The following OR1J2 variants were observed in gnomAD, a reference collection of about 807,000 sequenced individuals.
The protein encoded by OR1J2 is olfactory receptor 1J2.
For synonymous variants in OR1J2, 142 were observed against 99.7 expected, an observed-to-expected ratio of 1.42 and a Z score of -2.52; for missense variants, 304 against 246.1, an observed-to-expected ratio of 1.24 and a Z score of -1.57.
At chr9:122,576,218 T>C in the OR1J2 span, among the ~76,000 whole-genome samples, 1 of 151,122 alleles carries the variant, frequency 6.6e-6, no homozygotes, top group Non-Finnish European at 1.5e-5. Flanking sequence ...CATTTTCTTT[T>C]TTACATTTTT....
chr9:122,530,211 A>G, the OR1J2 span, among the ~76,000 whole-genome samples: 1 of 152,230 alleles, frequency 6.6e-6, no homozygotes, highest in African/African-American at 2.4e-5. Context: ...AGTTACGTTC[A>G]TCAGCTGGAA....
chr9:122,556,783 C>G, the OR1J2 span, among the ~76,000 whole-genome samples: 1 of 152,152 alleles, frequency 6.6e-6, no homozygotes, highest in Non-Finnish European at 1.5e-5. Flanking sequence ...TTGATATCCA[C>G]AAAGTAACTT....
the OR1J2 span, among the ~76,000 whole-genome samples, chr9:122,572,165 T>G: frequency 1.3e-5 from 2 of 152,186 alleles, no homozygotes; most frequent in African/African-American, 4.8e-5. Context: ...GTGACAGTGC[T>G]AAACCATTCA....
At chr9:122,565,703 T>C in the OR1J2 span, among the ~76,000 whole-genome samples, 1 of 152,266 alleles carries the variant, frequency 6.6e-6, no homozygotes, top group Non-Finnish European at 1.5e-5. Context: ...AGGTAGTTTT[T>C]AACTTACCTT....
chr9:122,472,858 A>T, the OR1J2 span, among the ~76,000 whole-genome samples: 2 of 152,198 alleles, frequency 1.3e-5, no homozygotes, highest in Admixed American at 6.5e-5. Context: ...TGATTCTTGG[A>T]TATATGTATC....
At chr9:122,515,321 T>A (rs1276718932), downstream of OR1J2, among the ~76,000 whole-genome samples, 3 of 149,232 alleles carry the variant, frequency 2.0e-5, no homozygotes, top group Non-Finnish European at 4.4e-5. Flanking sequence ...AAAGTTCAGA[T>A]CAGGACTGGG....
the OR1J2 span, among the ~76,000 whole-genome samples, chr9:122,551,880 G>C: frequency 0.028 from 4,278 of 152,120 alleles, 96 homozygotes; most frequent in Middle Eastern, 0.082. Context: ...ATAAACTCTG[G>C]ACTCAATAGA....
the OR1J2 span, among the ~76,000 whole-genome samples, chr9:122,549,267 T>C: frequency 6.6e-6 from 1 of 152,162 alleles, no homozygotes; most frequent in South Asian, 2.1e-4. Flanking sequence ...TATGATATGC[T>C]GGCTCCCCTT....
the OR1J2 span, among the ~76,000 whole-genome samples, chr9:122,528,484 G>A: frequency 6.6e-6 from 1 of 152,268 alleles, no homozygotes; most frequent in Admixed American, 6.5e-5. Context: ...TGTAATCCCA[G>A]CTACTTGGTA....
At chr9:122,519,752 G>A in the OR1J2 span, 1 of 1,614,138 alleles carries the variant, frequency 6.2e-7, no homozygotes, top group Non-Finnish European at 8.5e-7. Flanking sequence ...CAGTGGGACA[G>A]GCAGTCATTA....
chr9:122,511,394 T>C lies in OR1J2; in HGVS notation c.593T>C (p.Val198Ala). The change falls in exon 1 of 1, where the codon GTC becomes GCC. Residue 198 changes from valine (V) to alanine (A), a missense_variant. Coordinates refer to ENST00000335302, the MANE Select transcript of OR1J2 (RefSeq NM_054107.1). The stretch of plus-strand genomic sequence containing the variant: ...TCAGATATCTTCCTCAATGAGCTGG[T>C]CATGTTCACAGTAGGGGTGGTGGTC... The part of the protein sequence containing the change: ...SCSDIFLNEL[V>A]MFTVGVVVIT... 1.3e-6 allele frequency: 1 copy of C among 755,880 alleles called. No individual in the cohort carries two copies. Among genetic ancestry groups the C allele is most frequent in the South Asian group, 1.5e-5 (1 of 68,640 alleles). The allele number at this position is 755,880 out of a possible 1,614,324, so 46.8% of individuals were successfully genotyped here.
the OR1J2 span, among the ~76,000 whole-genome samples, chr9:122,544,893 C>T: frequency 7.2e-5 from 11 of 152,042 alleles, 1 homozygote; most frequent in Admixed American, 5.2e-4. Context: ...TTAGGGTTTA[C>T]TTTGCTTTTT....
chr9:122,523,545 G>A, the OR1J2 span, among the ~76,000 whole-genome samples: 2 of 152,262 alleles, frequency 1.3e-5, no homozygotes, highest in African/African-American at 4.8e-5. Flanking sequence ...GTACATTCAG[G>A]TAACAGATAA....
rs1828638304 is a variant in OR1J2 at position 122,511,578 on chromosome 9, C to G, written c.777C>G (p.Tyr259Ter). 4 of 780,924 alleles carry G rather than the reference C, an allele frequency of 5.1e-6. No homozygotes were observed. The highest frequency in any genetic ancestry group is 2.7e-5 in the South Asian group (2 of 74,618). The allele number at this position is 780,924 out of a possible 1,614,324, so 48.4% of individuals were successfully genotyped here. ...SLYYGSIFGQYLFPTVSSSID... is the reference protein window; with the variant it reads ...SLYYGSIFGQ Reference sequence around the variant, plus strand: ...ATTATGGGTCAATATTTGGCCAGTACCTTTTCCCGACTGTAAGCAGTTCTA... The same window carrying G: ...ATTATGGGTCAATATTTGGCCAGTAGCTTTTCCCGACTGTAAGCAGTTCTA... Residue 259 changes from tyrosine to a stop codon, truncating the protein, a stop_gained, in exon 1 of 1, where the codon TAC becomes TAG. Transcript: ENST00000335302. LOFTEE classifies it low-confidence loss of function (END_TRUNC).
At chr9:122,497,043 C>G in the OR1J2 span, among the ~76,000 whole-genome samples, 2 of 152,126 alleles carry the variant, frequency 1.3e-5, no homozygotes, top group Non-Finnish European at 2.9e-5. Flanking sequence ...ATGTCTCCTT[C>G]CCCCCTGTAC....
the OR1J2 span, among the ~76,000 whole-genome samples, chr9:122,502,323 G>T: frequency 7.5e-4 from 114 of 152,244 alleles, no homozygotes; most frequent in Non-Finnish European, 1.2e-3. Flanking sequence ...AATCACCAGA[G>T]AATTAGATGG....
chr9:122,550,662 C>G, the OR1J2 span, among the ~76,000 whole-genome samples: 1 of 151,736 alleles, frequency 6.6e-6, no homozygotes, highest in Non-Finnish European at 1.5e-5. Context: ...ATAATCATCT[C>G]AATAGATATA....
At chr9:122,539,209 C>A in the OR1J2 span, among the ~76,000 whole-genome samples, 1 of 152,074 alleles carries the variant, frequency 6.6e-6, no homozygotes, top group Admixed American at 6.6e-5. Context: ...TGTTGGTGTA[C>A]TGCACCCATT....
chr9:122,532,791 G>A, the OR1J2 span, among the ~76,000 whole-genome samples: 4 of 152,140 alleles, frequency 2.6e-5, no homozygotes, highest in Non-Finnish European at 5.9e-5. Flanking sequence ...AGGCTACAGG[G>A]TGCGGTCCCG....
Sources: gnomAD v4.1 joint callset for allele counts (sites outside exome capture counted in the v4.1 genomes callset) on GRCh38, gnomAD v4.1.1 for gene constraint, MANE v1.5 for transcripts, NCBI Gene and HGNC (gene_info 2026-07-23, HGNC 2026-07-21) for gene names.